BTD: variants seen among roughly 807,000 people sequenced by gnomAD.
The protein encoded by BTD is biotinidase.
In BTD, 13 loss-of-function variants were observed where a neutral mutation model predicts 17.7. The observed-to-expected ratio is 0.74, with a 90% CI of 0.48 to 1.17. BTD has a LOEUF of 1.17. BTD is among the 50% of genes most tolerant of loss of function. The probability of loss-of-function intolerance (pLI) is 0.00; values close to 1 mark genes in which losing one functional copy is unlikely to be tolerated. For missense variants in BTD, 674 were observed against 650.4 expected (o/e 1.04, Z -0.39); for synonymous variants, 240 against 245.2 (o/e 0.98, Z 0.20).
chr3:15,661,271 A>C (rs1397387808), intron 3 of BTD, among the ~76,000 whole-genome samples: 1 of 30,290 alleles, frequency 3.3e-5, no homozygotes, highest in Admixed American at 5.6e-4. Context: ...GTCTCAAAAA[A>C]AAAAAAAAAA....
downstream of BTD, among the ~76,000 whole-genome samples, chr3:15,658,646 C>G (rs1009940575): frequency 6.6e-6 from 1 of 152,162 alleles, no homozygotes; most frequent in Admixed American, 6.5e-5. Context: ...CTTTGAGGAA[C>G]TGAGCTCAGT....
At chr3:15,694,387 C>T (rs527953583) in intron 3 of BTD, among the ~76,000 whole-genome samples, 3 of 152,130 alleles carry the variant, frequency 2.0e-5, no homozygotes, top group Non-Finnish European at 4.4e-5. Context: ...ATACCATCTG[C>T]TTAGCCAACT....
downstream of BTD, chr3:15,713,544 A>G (rs748298241): frequency 4.3e-6 from 7 of 1,611,132 alleles, no homozygotes; most frequent in Non-Finnish European, 5.9e-6. Flanking sequence ...TGTCAGCACC[A>G]CTTGTAATAA....
At position 15,711,358 on chromosome 3, in the gene BTD, C is replaced by A. The variant is rs2072251135; in HGVS notation, c.*1284C>A. The stretch of plus-strand genomic sequence containing the variant: ...TGTCATGAAACATCAAGAATCACAT[C>A]CTCCCCTCCAATCCCAAACAAAACT... On this transcript the variant is annotated 3_prime_UTR_variant, in exon 4 of 4. Transcript: ENST00000672141. 3.1e-5 allele frequency: 37 copies of A among 1,188,816 alleles called. No homozygotes were observed. In the Middle Eastern group the frequency reaches 7.2e-4, roughly 23 times the overall value. 73.6% of individuals were successfully genotyped at this position (1,188,816 alleles called of 1,614,324 possible). A position where few individuals can be genotyped will look rare whatever the true frequency, so the allele number is the denominator to read the frequency against.
rs35145938 is a variant in BTD at position 15,645,140 on chromosome 3, C to A, written c.1224C>A (p.Tyr408Ter). Reference sequence around the variant, plus strand: ...ATGGCCTCTGCTGTTATTTACTTTACGAGAGGCCCACCTTATCCAAAGAGC... The same window carrying A: ...ATGGCCTCTGCTGTTATTTACTTTAAGAGAGGCCCACCTTATCCAAAGAGC... ...CSNGLCCYLL[Y>*]ERPTLSKELY... The change falls in exon 4 of 4, where the codon TAC becomes TAA. Residue 408 changes from tyrosine to a stop codon, truncating the protein, a stop_gained. Coordinates refer to ENST00000643237, the MANE Select transcript of BTD (RefSeq NM_001370658.1). LOFTEE classifies it high-confidence loss of function. 2 of 1,614,130 alleles carry A rather than the reference C, an allele frequency of 1.2e-6. No individual in the cohort carries two copies. The highest frequency in any genetic ancestry group is 1.7e-6 in the Non-Finnish European group (2 of 1,180,016).
rs553005641 is a variant in BTD, at chr3:15,603,805, A to G, written c.-17+1911A>G. On this transcript the variant is annotated intron_variant, in intron 1 of 3. Coordinates refer to ENST00000643237, the MANE Select transcript of BTD (RefSeq NM_001370658.1). ...GACAAAGGGGCTAAAGCCCCCATGCAAGTTCAAAATCTGGCAGGGCAGTCA... is the reference window on the plus strand; with the variant it reads ...GACAAAGGGGCTAAAGCCCCCATGCGAGTTCAAAATCTGGCAGGGCAGTCA... 2.0e-5 allele frequency among the ~76,000 whole-genome samples: 3 copies of G among 152,378 alleles called. No individual in the cohort carries two copies. The South Asian group carries it at 6.2e-4, about 32-fold the overall frequency.
chr3:15,684,044 A>G (rs1020710618), intron 3 of BTD: 3 of 152,156 alleles, frequency 2.0e-5, no homozygotes, highest in African/African-American at 7.2e-5. Context: ...CATAATTAAC[A>G]TTAATCTTGA....
chr3:15,603,994 A>C (rs982873880), intron 1 of BTD, among the ~76,000 whole-genome samples: 1 of 152,166 alleles, frequency 6.6e-6, no homozygotes, highest in Non-Finnish European at 1.5e-5. Flanking sequence ...GCTAATATTG[A>C]GTGTGTGCAG....
chr3:15,681,341 A>G (rs2125708329), intron 3 of BTD, among the ~76,000 whole-genome samples: 1 of 152,356 alleles, frequency 6.6e-6, no homozygotes, highest in Non-Finnish European at 1.5e-5. Context: ...ACCCATGGAT[A>G]TGGAGGGCTG....
At chr3:15,670,407 T>G in intron 3 of BTD, 1 of 1,613,748 alleles carries the variant, frequency 6.2e-7, no homozygotes, top group East Asian at 2.2e-5. Context: ...AAGCTGACTG[T>G]TTTTGAGGTG....
intron 3 of BTD, among the ~76,000 whole-genome samples, chr3:15,709,977 G>C (rs1266300329): frequency 6.6e-6 from 1 of 151,738 alleles, no homozygotes; most frequent in African/African-American, 2.4e-5. Context: ...TTGTTTAAAA[G>C]GAAGATCACA....
In BTD at chr3:15,641,868, C is replaced by T. The variant is rs755345226; in HGVS notation, c.250-40C>T. On this transcript the variant is annotated intron_variant, in intron 2 of 3. Coordinates refer to ENST00000643237, the MANE Select transcript of BTD (RefSeq NM_001370658.1). ...GAATGAATGCAGCGGTTCTTCCTGC[C>T]ATCTGATAACAGACTATTCTTTGAT... 3.6e-5 allele frequency: 51 copies of T among 1,435,056 alleles called. No individual in the cohort carries two copies. In the Admixed American group the frequency reaches 7.2e-4, roughly 20 times the overall value. The allele number at this position is 1,435,056 out of a possible 1,614,324, so 88.9% of individuals were successfully genotyped here. A position where few individuals can be genotyped will look rare whatever the true frequency, so the allele number is the denominator to read the frequency against.
Position 15,695,147 on chromosome 3 carries a change from G to T in BTD, c.400-14913G>T. 2.7e-6 allele frequency: 4 copies of T among 1,488,098 alleles called. No homozygotes were observed. In the South Asian group the frequency reaches 4.7e-5, roughly 17 times the overall value. 92.2% of individuals were successfully genotyped at this position (1,488,098 alleles called of 1,614,324 possible). On this transcript the variant is annotated intron_variant, in intron 3 of 3. Transcript: ENST00000672141. ...TAAACATAACTGGTAGGAGGGAACT[G>T]ACCAATACTAATTGGTGGGAGGGAA...
At position 15,644,301 on chromosome 3, in the gene BTD, C is replaced by G. The variant is rs2065626937; in HGVS notation, c.400-15C>G. 2 of 1,610,136 alleles carry G rather than the reference C, an allele frequency of 1.2e-6. No homozygotes were observed. Among genetic ancestry groups the G allele is most frequent in the Admixed American group, 1.7e-5 (1 of 59,314 alleles). ...AGGCAAAAACCTCATTTATTTACAC[C>G]TTTTTTTCCTCTAGGTGCTCCAGCG... On this transcript the variant is annotated splice_polypyrimidine_tract_variant and intron_variant, in intron 3 of 3. Coordinates refer to ENST00000643237, the MANE Select transcript of BTD (RefSeq NM_001370658.1).
At chr3:15,668,609 A>G (rs1387997718) in intron 3 of BTD, 1 of 152,618 alleles carries the variant, frequency 6.6e-6, no homozygotes, top group East Asian at 1.9e-4. Context: ...TTCATTAAAT[A>G]CAACTCACAT....
At chr3:15,706,391 C>T (rs936731331) in intron 3 of BTD, among the ~76,000 whole-genome samples, 1 of 148,872 alleles carries the variant, frequency 6.7e-6, no homozygotes, top group African/African-American at 2.4e-5. Flanking sequence ...TTTCCAGCTT[C>T]ATCCATGTTC....
chr3:15,699,990 G>A, intron 3 of BTD, among the ~76,000 whole-genome samples: 1 of 152,186 alleles, frequency 6.6e-6, no homozygotes, highest in East Asian at 1.9e-4. Flanking sequence ...CAACCCAAAT[G>A]TCCATCAATG....
At chr3:15,716,444 A>G (rs2073059207), downstream of BTD, among the ~76,000 whole-genome samples, 1 of 151,730 alleles carries the variant, frequency 6.6e-6, no homozygotes, top group Admixed American at 6.6e-5. Flanking sequence ...GGCATGTAAC[A>G]TTACACCTGG....
At chr3:15,628,921 A>G (rs900582746) in intron 1 of BTD, among the ~76,000 whole-genome samples, 4 of 152,182 alleles carry the variant, frequency 2.6e-5, no homozygotes, top group African/African-American at 9.7e-5. Flanking sequence ...TTTTTAAATC[A>G]GGAATTTTAT....
Sources: allele counts gnomAD v4.1 joint callset (sites outside exome capture counted in the v4.1 genomes callset), GRCh38; gene constraint gnomAD v4.1.1; transcripts MANE v1.5; gene names NCBI Gene and HGNC (gene_info 2026-07-23, HGNC 2026-07-21).